Variants in EHMT1 observed in about 807,000 individuals in gnomAD.
EHMT1 encodes the protein histone-lysine N-methyltransferase EHMT1.
Under a neutral mutation model 147.2 loss-of-function variants are expected in EHMT1, and 15 were observed. That is an observed-to-expected ratio of 0.10 (90% CI 0.07 to 0.16). The LOEUF is 0.16. Among genes scored for constraint, EHMT1 ranks in the 10% least tolerant of loss-of-function variants. The probability of loss-of-function intolerance (pLI) is 1.00; values close to 1 mark genes in which losing one functional copy is unlikely to be tolerated. For missense variants in EHMT1, 1,587 were observed against 1,772.4 expected, an observed-to-expected ratio of 0.90 and a Z score of 1.88; for synonymous variants, 795 against 709.6, an observed-to-expected ratio of 1.12 and a Z score of -1.91.
Position 137,813,836 on chromosome 9 carries a change from G to T in EHMT1, c.3180+306G>T, listed in dbSNP as rs1001253581. ...CTCAGGGGCCCCGGTGTGGCTTCGTGCTGGGGGCACAGGCGAGAGGAGCCC... is the reference window on the plus strand; with the variant it reads ...CTCAGGGGCCCCGGTGTGGCTTCGTTCTGGGGGCACAGGCGAGAGGAGCCC... On this transcript the variant is annotated intron_variant, in intron 21 of 26. Transcript: ENST00000460843. This position sits in a 1 kb window ranked among gnomAD's most constrained non-coding sequence, Gnocchi z 4.9. 8.5e-5 allele frequency among the ~76,000 whole-genome samples: 13 copies of T among 152,178 alleles called. No individual in the cohort carries two copies. Among genetic ancestry groups the T allele is most frequent in the African/African-American group, 3.1e-4 (13 of 41,448 alleles).
At chr9:137,655,448 T>G (rs1460045455) in intron 1 of EHMT1, among the ~76,000 whole-genome samples, 1 of 152,262 alleles carries the variant, frequency 6.6e-6, no homozygotes, top group Non-Finnish European at 1.5e-5. Context: ...TATGGAGTTT[T>G]CCTTAATGAG....
In EHMT1 at chr9:137,828,795, C is replaced by G. The variant is rs1206182123; in HGVS notation, c.3541-5554C>G. ...TAGCAAGTCCCCAGCCCTGGGGCCTCATGTCTGCAATGAGCCCTTGGTGGC... is the reference window on the plus strand; with the variant it reads ...TAGCAAGTCCCCAGCCCTGGGGCCTGATGTCTGCAATGAGCCCTTGGTGGC... On this transcript the variant is annotated intron_variant, in intron 25 of 26. Transcript: ENST00000460843. This position sits in a 1 kb window ranked among gnomAD's most constrained non-coding sequence, Gnocchi z 5.3. Among the ~76,000 whole-genome samples the G allele has an allele frequency of 6.6e-6, 1 of 152,208 alleles. No individual in the cohort carries two copies. The highest frequency in any genetic ancestry group is 2.4e-5 in the African/African-American group (1 of 41,448).
intron 15 of EHMT1, chr9:137,788,050 C>T: frequency 1.5e-6 from 2 of 1,357,624 alleles, no homozygotes; most frequent in Non-Finnish European, 2.0e-6. Context: ...GGCCTGATGG[C>T]TCCCGCTGGC....
intron 10 of EHMT1, among the ~76,000 whole-genome samples, chr9:137,767,077 C>T (rs1462010562): frequency 6.6e-6 from 1 of 152,202 alleles, no homozygotes; most frequent in Non-Finnish European, 1.5e-5. Flanking sequence ...CCTGCCTTGG[C>T]CTCCCACAAT....
chr9:137,700,661 A>G (rs925211852), intron 1 of EHMT1, among the ~76,000 whole-genome samples: 1 of 151,442 alleles, frequency 6.6e-6, no homozygotes, highest in African/African-American at 2.4e-5. Flanking sequence ...ATGCCACCCC[A>G]CCCTCCCTAC....
chr9:137,660,526 G>C (rs1194641442), intron 1 of EHMT1, among the ~76,000 whole-genome samples: 1 of 152,042 alleles, frequency 6.6e-6, no homozygotes, highest in Admixed American at 6.6e-5. Flanking sequence ...GAGTGCAGTG[G>C]CGTTCTGGAT....
chr9:137,746,027 C>T (rs1386859723), intron 6 of EHMT1: 2 of 153,414 alleles, frequency 1.3e-5, no homozygotes, highest in Non-Finnish European at 2.9e-5. Context: ...TGAATGTAGT[C>T]TGACGATCTT....
At chr9:137,696,628 C>T (rs774281038) in intron 1 of EHMT1, among the ~76,000 whole-genome samples, 5 of 152,096 alleles carry the variant, frequency 3.3e-5, no homozygotes, top group Non-Finnish European at 7.4e-5. Context: ...TAATAGTCTC[C>T]CCCAGGTTGT....
At chr9:137,680,633 C>T (rs1941848142) in intron 1 of EHMT1, among the ~76,000 whole-genome samples, 1 of 152,210 alleles carries the variant, frequency 6.6e-6, no homozygotes, top group Non-Finnish European at 1.5e-5. Context: ...GTGAGATGGT[C>T]CTGCACCATG....
chr9:137,747,148 A>G (rs958946661), intron 6 of EHMT1: 1 of 152,180 alleles, frequency 6.6e-6, no homozygotes. Flanking sequence ...TCCTAAATAC[A>G]AAAGTCCTAA....
intron 1 of EHMT1, among the ~76,000 whole-genome samples, chr9:137,629,879 T>A (rs545377739): frequency 6.6e-6 from 1 of 152,320 alleles, no homozygotes; most frequent in South Asian, 2.1e-4. Context: ...AGGTATGATA[T>A]AGAAAGCATT....
intron 10 of EHMT1, among the ~76,000 whole-genome samples, chr9:137,769,164 A>G (rs969670338): frequency 6.6e-6 from 1 of 152,238 alleles, no homozygotes; most frequent in African/African-American, 2.4e-5. Context: ...ATACAGTGTA[A>G]GAATCTTACA....
intron 1 of EHMT1, among the ~76,000 whole-genome samples, chr9:137,621,377 A>G (rs751616383): frequency 1.1e-4 from 16 of 152,186 alleles, no homozygotes; most frequent in Non-Finnish European, 1.6e-4. Context: ...TCCTTGATTT[A>G]CAAAGATAGT....
chr9:137,754,221 C>A lies in EHMT1; in HGVS notation c.1299C>A (p.Thr433=), dbSNP rs374367377. 6 of 1,613,880 alleles carry A rather than the reference C, an allele frequency of 3.7e-6. No homozygotes were observed. The highest frequency in any genetic ancestry group is 5.1e-6 in the Non-Finnish European group (6 of 1,180,014). Residue 433 remains threonine (T), a synonymous_variant, in exon 8 of 27, where the codon ACC becomes ACA. Coordinates refer to ENST00000460843, the MANE Select transcript of EHMT1 (RefSeq NM_024757.5). Reference sequence around the variant, plus strand: ...AATTTCTCAAGAGGAAAGGAAAGACCGACAGTCCCTGGATCAAGCCAGCCA... The same window carrying A: ...AATTTCTCAAGAGGAAAGGAAAGACAGACAGTCCCTGGATCAAGCCAGCCA... ...KKKFLKRKGK[T]DSPWIKPARK...
intron 1 of EHMT1, among the ~76,000 whole-genome samples, chr9:137,642,291 C>T (rs1424597635): frequency 6.6e-6 from 1 of 152,010 alleles, no homozygotes; most frequent in Non-Finnish European, 1.5e-5. Flanking sequence ...CTTTCTGCCT[C>T]AGTTAGTTTT....
At chr9:137,779,367 C>T (rs1379491387) in intron 13 of EHMT1, among the ~76,000 whole-genome samples, 2 of 152,238 alleles carry the variant, frequency 1.3e-5, no homozygotes, top group Non-Finnish European at 2.9e-5. Flanking sequence ...CCTCACAGTG[C>T]GTAGTGTTCT....
At chr9:137,740,512 C>T (rs1377510065) in intron 4 of EHMT1, among the ~76,000 whole-genome samples, 8 of 152,338 alleles carry the variant, frequency 5.3e-5, no homozygotes, top group East Asian at 1.9e-4. Flanking sequence ...GAATCCCAGC[C>T]GTCTGGCTCA....
intron 10 of EHMT1, among the ~76,000 whole-genome samples, chr9:137,768,829 C>T (rs1167861596): frequency 9.2e-5 from 14 of 151,818 alleles, no homozygotes; most frequent in South Asian, 6.2e-4. Context: ...GGATTACAGG[C>T]GTGAGCCACC....
At chr9:137,827,585 C>T (rs972222155) in intron 25 of EHMT1, among the ~76,000 whole-genome samples, 4 of 152,194 alleles carry the variant, frequency 2.6e-5, no homozygotes, top group African/African-American at 9.7e-5. Context: ...CTGGTGTTGC[C>T]ATCTGTTCTC....
Sources: gnomAD v4.1 joint callset for allele counts (sites outside exome capture counted in the v4.1 genomes callset) on GRCh38, gnomAD v4.1.1 for gene constraint, Gnocchi (gnomAD v3.1) non-coding constraint, MANE v1.5 for transcripts, NCBI Gene and HGNC (gene_info 2026-07-23, HGNC 2026-07-21) for gene names.